The following DPP6 variants were observed in gnomAD, a reference collection of about 807,000 sequenced individuals.
DPP6 encodes the protein dipeptidyl peptidase like 6.
In DPP6, 69 loss-of-function variants were observed where a neutral mutation model predicts 122.6. The ratio of observed to expected loss-of-function variants is 0.56; its 90% CI spans 0.46 to 0.69. DPP6 has a LOEUF of 0.69. Among genes scored for constraint, DPP6 ranks in the 30% least tolerant of loss-of-function variants. DPP6 has a pLI of 0.00. For synonymous variants in DPP6, 418 were observed against 433.1 expected (o/e 0.97, Z 0.43); for missense variants, 928 against 1,116.9 (o/e 0.83, Z 2.41).
chr7:154,438,469 CAAAAAAAAAAAAAAA>C (rs58978160), intron 1 of DPP6, among the ~76,000 whole-genome samples: 7 of 37,472 alleles, frequency 1.9e-4, no homozygotes, highest in South Asian at 2.7e-3. Flanking sequence ...GACTCCAACT[CAAAAAAAAAAAAAAA>C]AAAAAAAAAA....
Position 154,881,151 on chromosome 7 carries a change from C to G in DPP6, c.2133+209C>G, listed in dbSNP as rs533433551. On this transcript the variant is annotated intron_variant, in intron 21 of 25. Transcript: ENST00000377770. ...TTTCCTAAGTTTCTTTTTACATTAT[C>G]TGGAAGGAAAGAGAAGGGAAGCCAA... The G allele has an allele frequency of 3.9e-5, 34 of 872,930 alleles. No individual in the cohort carries two copies. In the South Asian group the frequency reaches 4.3e-4, roughly 11 times the overall value. 54.1% of individuals were successfully genotyped at this position (872,930 alleles called of 1,614,324 possible).
chr7:153,898,840 C>G (rs1052896032), intron 1 of DPP6, among the ~76,000 whole-genome samples: 4 of 152,196 alleles, frequency 2.6e-5, no homozygotes, highest in Non-Finnish European at 5.9e-5. Context: ...TCTAAGTTTG[C>G]ATAGTCACCT....
intron 1 of DPP6, among the ~76,000 whole-genome samples, chr7:154,012,754 G>A (rs565989621): frequency 1.3e-5 from 2 of 152,224 alleles, no homozygotes; most frequent in Admixed American, 6.5e-5. Context: ...CTATTTCTAT[G>A]GAGTTATTTT....
At chr7:153,871,415 T>A in the DPP6 span, among the ~76,000 whole-genome samples, 3 of 152,184 alleles carry the variant, frequency 2.0e-5, no homozygotes, top group African/African-American at 7.2e-5. Flanking sequence ...GTGCTAGTAA[T>A]GAGCGAGGCT....
chr7:154,487,362 C>T (rs1484614785), intron 3 of DPP6, among the ~76,000 whole-genome samples: 1 of 152,090 alleles, frequency 6.6e-6, no homozygotes, highest in African/African-American at 2.4e-5. Flanking sequence ...GTACTCAGCC[C>T]CTCCATCCTC....
chr7:154,285,944 T>C (rs1436397929), intron 1 of DPP6, among the ~76,000 whole-genome samples: 1 of 152,238 alleles, frequency 6.6e-6, no homozygotes, highest in African/African-American at 2.4e-5. Flanking sequence ...ACTACTTTTG[T>C]AAACTTGTTA....
chr7:154,864,651 A>C (rs1485173319), intron 17 of DPP6, among the ~76,000 whole-genome samples: 1 of 152,270 alleles, frequency 6.6e-6, no homozygotes, highest in African/African-American at 2.4e-5. Flanking sequence ...CCTGTGGGAC[A>C]GTCAGCTCTC....
chr7:153,914,142 C>T (rs185088998), intron 1 of DPP6, among the ~76,000 whole-genome samples: 180 of 152,194 alleles, frequency 1.2e-3, no homozygotes, highest in African/African-American at 4.0e-3. Context: ...ATGCTGTTCT[C>T]GTCATACTGA....
intron 15 of DPP6, 39 bp downstream of exon 15, chr7:154,805,003 T>C: frequency 6.4e-7 from 1 of 1,571,012 alleles, no homozygotes; most frequent in African/African-American, 1.4e-5. Context: ...CTCTCCCCCT[T>C]AGGAGGGCAT....
At chr7:154,457,961 T>A (rs1820938884) in intron 2 of DPP6, among the ~76,000 whole-genome samples, 1 of 145,660 alleles carries the variant, frequency 6.9e-6, no homozygotes, top group Non-Finnish European at 1.5e-5. Context: ...ACCCTAAAAC[T>A]TAGAGTATAA....
chr7:154,276,175 T>A (rs6951109), intron 1 of DPP6, among the ~76,000 whole-genome samples: 1 of 152,236 alleles, frequency 6.6e-6, no homozygotes, highest in African/African-American at 2.4e-5. Context: ...GGATATTATC[T>A]TACAAATACC....
intron 1 of DPP6, among the ~76,000 whole-genome samples, chr7:154,365,390 C>T (rs1410910515): frequency 6.6e-6 from 1 of 152,220 alleles, no homozygotes; most frequent in Non-Finnish European, 1.5e-5. Context: ...GCGATCTCCA[C>T]TTGCCTTTGG....
intron 1 of DPP6, among the ~76,000 whole-genome samples, chr7:154,174,001 C>G (rs779729797): frequency 2.6e-5 from 4 of 152,218 alleles, no homozygotes; most frequent in Non-Finnish European, 4.4e-5. Context: ...ACATGGGTGT[C>G]TTGCTTAAGG....
intron 5 of DPP6, among the ~76,000 whole-genome samples, chr7:154,598,455 A>T (rs890088985): frequency 1.1e-5 from 1 of 92,274 alleles, no homozygotes; most frequent in Non-Finnish European, 2.5e-5. Flanking sequence ...GTGAAATGGG[A>T]GCTCCCAGAT....
chr7:154,304,439 G>C (rs767727448), intron 1 of DPP6, among the ~76,000 whole-genome samples: 6 of 152,226 alleles, frequency 3.9e-5, no homozygotes, highest in Non-Finnish European at 8.8e-5. Flanking sequence ...CACGACAGCA[G>C]CCTCTGGCCT....
intron 3 of DPP6, chr7:154,476,025 T>C (rs1486828631): frequency 1.3e-5 from 2 of 152,202 alleles, no homozygotes; most frequent in Non-Finnish European, 1.5e-5. Flanking sequence ...CGAGTGTCGT[T>C]GTATGTTTTT....
the DPP6 span, among the ~76,000 whole-genome samples, chr7:153,840,027 C>A: frequency 6.6e-6 from 1 of 152,246 alleles, no homozygotes. Context: ...TCTACATAGC[C>A]ACTGTGTCCT....
intron 1 of DPP6, chr7:154,093,045 AACACCACACACAC>A (rs1804975201): frequency 6.6e-6 from 1 of 151,868 alleles, no homozygotes; most frequent in African/African-American, 2.4e-5. Context: ...CTTACCTTCG[AACACCACACACAC>A]ACACCACACA....
chr7:154,060,008 C>G (rs1198423212), intron 1 of DPP6, among the ~76,000 whole-genome samples: 1 of 151,578 alleles, frequency 6.6e-6, no homozygotes, highest in East Asian at 1.9e-4. Context: ...GGACCCGCAT[C>G]GCGGGAGGGG....
Sources: allele counts gnomAD v4.1 joint callset (sites outside exome capture counted in the v4.1 genomes callset), GRCh38; gene constraint gnomAD v4.1.1; transcripts MANE v1.5; gene names NCBI Gene and HGNC (gene_info 2026-07-23, HGNC 2026-07-21).